Variants in LAMA4 observed in about 807,000 individuals in gnomAD.
LAMA4 encodes laminin subunit alpha 4.
LAMA4 carries 127 observed loss-of-function variants against 207.1 expected under a neutral mutation model. The observed-to-expected ratio is 0.61, with a 90% CI of 0.53 to 0.71. The LOEUF (loss-of-function observed/expected upper bound fraction) is 0.71, where lower values mean the gene tolerates loss of function less well. LAMA4 is among the 30% of genes least tolerant of loss of function. The probability of loss-of-function intolerance (pLI) is 0.00; values close to 1 mark genes in which losing one functional copy is unlikely to be tolerated. For synonymous variants in LAMA4, 761 were observed against 816.0 expected, an observed-to-expected ratio of 0.93 and a Z score of 1.15; for missense variants, 2,093 against 2,246.5, an observed-to-expected ratio of 0.93 and a Z score of 1.38.
At chr6:112,250,852 C>T (rs1480472097) in intron 2 of LAMA4, among the ~76,000 whole-genome samples, 1 of 152,190 alleles carries the variant, frequency 6.6e-6, no homozygotes, top group Non-Finnish European at 1.5e-5. Context: ...CATCTTCATT[C>T]CTGCCCCCAC....
chr6:112,250,558 A>C (rs927362234), intron 2 of LAMA4, among the ~76,000 whole-genome samples: 3 of 152,208 alleles, frequency 2.0e-5, no homozygotes, highest in Non-Finnish European at 4.4e-5. Flanking sequence ...TCTGAGGGGC[A>C]ACTCATTGAC....
chr6:112,214,097 G>GA, intron 3 of LAMA4: 4 of 709,862 alleles, frequency 5.6e-6, no homozygotes, highest in African/African-American at 1.8e-5. Flanking sequence ...AAAGGAAACA[G>GA]AAAAAAATGA....
chr6:112,125,842 G>A (rs1554327540), intron 31 of LAMA4, among the ~76,000 whole-genome samples: 2 of 152,196 alleles, frequency 1.3e-5, no homozygotes, highest in African/African-American at 2.4e-5. Flanking sequence ...TGGGATATTA[G>A]GAAGTGATTG....
In LAMA4 at chr6:112,117,753, C is replaced by A. The variant is rs41289900; in HGVS notation, c.4967G>T (p.Gly1656Val). ...ETGTYFSTEG[G>V]YVVLDESFNI... is the part of the protein sequence containing the mutation. The stretch of plus-strand genomic sequence containing the variant: ...ACTAATGTTACCTAGAACCACGTAT[C>A]CTCCTTCTGTTGAAAAGTAAGTTCC... The change falls in exon 35 of 39, where the codon GGA becomes GTA. Residue 1656 changes from glycine to valine, a missense_variant. Around this residue, in one of 3 missense-constraint regions of LAMA4, gnomAD observed 383 missense variants for 437.8 expected, o/e 0.87. Coordinates refer to ENST00000230538, the MANE Select transcript of LAMA4 (RefSeq NM_001105206.3). This position sits in a 1 kb window ranked among gnomAD's most constrained non-coding sequence, Gnocchi z 4.5. The A allele has an allele frequency of 3.2e-5, 52 of 1,613,348 alleles. No homozygotes were observed. The highest frequency in any genetic ancestry group is 2.7e-4 in the Admixed American group (16 of 59,966).
intron 38 of LAMA4, among the ~76,000 whole-genome samples, chr6:112,113,866 G>C (rs1777848267): frequency 6.6e-6 from 1 of 152,124 alleles, no homozygotes; most frequent in Non-Finnish European, 1.5e-5. Context: ...AAGCAAATAT[G>C]GCAAGGGAGA....
intron 2 of LAMA4, among the ~76,000 whole-genome samples, chr6:112,247,241 A>G (rs1027775454): frequency 9.9e-5 from 15 of 152,222 alleles, no homozygotes; most frequent in African/African-American, 3.4e-4. Flanking sequence ...TTTTACAATC[A>G]AAGGAACTGA....
At chr6:112,196,516 A>G (rs1583861951) in intron 5 of LAMA4, 3 of 152,170 alleles carry the variant, frequency 2.0e-5, no homozygotes, top group African/African-American at 7.2e-5. Context: ...GGTTGTTCCA[A>G]TTTTAGTATA....
At chr6:112,110,583 CT>C (rs1299660190) in intron 38 of LAMA4, among the ~76,000 whole-genome samples, 6 of 152,108 alleles carry the variant, frequency 3.9e-5, no homozygotes, top group Non-Finnish European at 8.8e-5. Flanking sequence ...TGGAAGGGGC[CT>C]GAGAGATCAA....
At chr6:112,223,136 G>A (rs1365639785) in intron 2 of LAMA4, among the ~76,000 whole-genome samples, 2 of 151,410 alleles carry the variant, frequency 1.3e-5, no homozygotes, top group African/African-American at 2.4e-5. Flanking sequence ...TTCACTCCTC[G>A]CCTTCCAAGC....
intron 24 of LAMA4, among the ~76,000 whole-genome samples, chr6:112,136,810 G>A (rs1334230563): frequency 6.6e-6 from 1 of 151,592 alleles, no homozygotes; most frequent in African/African-American, 2.4e-5. Context: ...TCTACTTTCT[G>A]AACTAATGGA....
At chr6:112,176,958 G>T (rs1782059690) in intron 10 of LAMA4, among the ~76,000 whole-genome samples, 1 of 152,186 alleles carries the variant, frequency 6.6e-6, no homozygotes. Context: ...CAAAACATGG[G>T]TTATAATAGC....
chr6:112,206,893 T>A, intron 4 of LAMA4, 128 bp downstream of exon 4: 1 of 1,074,488 alleles, frequency 9.3e-7, no homozygotes, highest in Non-Finnish European at 1.4e-6. Context: ...TTTTCCAGTC[T>A]CATCTCAATA....
chr6:112,252,758 C>T (rs924848477), intron 2 of LAMA4, among the ~76,000 whole-genome samples: 9 of 152,176 alleles, frequency 5.9e-5, no homozygotes, highest in African/African-American at 2.2e-4. Flanking sequence ...CAAAGCCTTC[C>T]CATTGCATGA....
At chr6:112,159,636 C>T (rs1780936049) in intron 13 of LAMA4, 1 of 152,470 alleles carries the variant, frequency 6.6e-6, no homozygotes, top group Non-Finnish European at 1.5e-5. Flanking sequence ...TTTCCTTCAC[C>T]CACCCCCATC....
rs782780818 is a variant in LAMA4 at position 112,139,771 on chromosome 6, T to C, written c.3091A>G (p.Thr1031Ala). Residue 1031 changes from threonine (T) to alanine (A), a missense_variant, in exon 23 of 39, where the codon ACA (threonine) becomes GCA (alanine). Transcript: ENST00000230538. ...FKHIYNMDPSTSVPCARDKLA... is the reference protein window; with the variant it reads ...FKHIYNMDPSASVPCARDKLA... ...TCTTACCGGGCACATGGCACTGATG[T>C]GGAGGGGTCCATATTATAGATGTGC... The C allele has an allele frequency of 6.2e-7, 1 of 1,614,120 alleles. No individual in the cohort carries two copies. The highest frequency in any genetic ancestry group is 2.2e-5 in the East Asian group (1 of 44,880).
intron 5 of LAMA4, among the ~76,000 whole-genome samples, chr6:112,199,526 T>C (rs1783612494): frequency 6.6e-6 from 1 of 152,076 alleles, no homozygotes; most frequent in South Asian, 2.1e-4. Flanking sequence ...TAAGGAAATA[T>C]AGGATAAGTG....
At chr6:112,165,365 T>C (rs1056448165) in intron 12 of LAMA4, 89 bp from the exon 13 acceptor site, 7 of 881,602 alleles carry the variant, frequency 7.9e-6, no homozygotes, top group Non-Finnish European at 1.2e-5. Context: ...TTGCTCTCTT[T>C]GGACTCAGAC....
intron 2 of LAMA4, chr6:112,236,972 A>C (rs186399970): frequency 6.6e-6 from 1 of 152,302 alleles, no homozygotes; most frequent in African/African-American, 2.4e-5. Flanking sequence ...CGATGGAATA[A>C]TTGGTTTAGA....
intron 3 of LAMA4, 61 bp from the exon 4 acceptor site, chr6:112,207,206 T>C (rs1248838848): frequency 1.3e-6 from 2 of 1,584,298 alleles, no homozygotes; most frequent in South Asian, 1.1e-5. Flanking sequence ...AGACAGCACA[T>C]CTAAGCATCA....
Sources: gnomAD v4.1 joint callset for allele counts (sites outside exome capture counted in the v4.1 genomes callset) on GRCh38, gnomAD v4.1.1 for gene constraint, gnomAD v4.1.1 regional missense constraint, Gnocchi (gnomAD v3.1) non-coding constraint, MANE v1.5 for transcripts, NCBI Gene and HGNC (gene_info 2026-07-23, HGNC 2026-07-21) for gene names.